Variants in KDM3B observed in about 807,000 individuals in gnomAD.
KDM3B encodes lysine demethylase 3B, also known as lysine-specific demethylase 3B.
In KDM3B, 10 loss-of-function variants were observed where a neutral mutation model predicts 170.0. That is an observed-to-expected ratio of 0.06 (90% CI 0.04 to 0.10). The LOEUF is 0.10. Among genes scored for constraint, KDM3B ranks in the 10% least tolerant of loss-of-function variants. The pLI is 1.00. For synonymous variants in KDM3B, 831 were observed against 834.8 expected, an observed-to-expected ratio of 1.00 and a Z score of 0.08; for missense variants, 1,394 against 2,195.2, an observed-to-expected ratio of 0.64 and a Z score of 7.29.
chr5:138,358,301 TCTTTC>T (rs1395595710), intron 1 of KDM3B, among the ~76,000 whole-genome samples: 18 of 112,812 alleles, frequency 1.6e-4, no homozygotes, highest in African/African-American at 5.6e-4. Flanking sequence ...TTTCTTTCTT[TCTTTC>T]TTTTTTTTTT....
At chr5:138,432,787 G>A (rs937919639) in intron 23 of KDM3B, among the ~76,000 whole-genome samples, 1 of 152,150 alleles carries the variant, frequency 6.6e-6, no homozygotes, top group Non-Finnish European at 1.5e-5. Flanking sequence ...AGATTGAAGA[G>A]GTTTTGGAGT....
At chr5:138,423,172 C>A (rs1431294080) in intron 15 of KDM3B, among the ~76,000 whole-genome samples, 2 of 152,226 alleles carry the variant, frequency 1.3e-5, no homozygotes, top group Non-Finnish European at 2.9e-5. Context: ...TCTCGAACTC[C>A]TGACCTCAGG....
intron 14 of KDM3B, among the ~76,000 whole-genome samples, chr5:138,420,426 A>T (rs1263436264): frequency 6.6e-6 from 1 of 152,200 alleles, no homozygotes; most frequent in East Asian, 1.9e-4. Context: ...CACTTGAAAC[A>T]CTGTCTTAGG....
At chr5:138,399,724 A>G (rs932200476) in intron 10 of KDM3B, 136 bp from the exon 11 acceptor site, 7 of 685,598 alleles carry the variant, frequency 1.0e-5, no homozygotes, top group African/African-American at 9.0e-5. Flanking sequence ...TTCTCCTACA[A>G]TTATAGAAAC....
chr5:138,390,756 C>G (rs532338938), intron 7 of KDM3B, among the ~76,000 whole-genome samples: 24 of 152,254 alleles, frequency 1.6e-4, no homozygotes, highest in African/African-American at 5.3e-4. Context: ...TGGATAACAA[C>G]CAAGGGAATT....
intron 9 of KDM3B, 51 bp from the exon 10 acceptor site, chr5:138,398,127 T>G (rs776101816): frequency 6.5e-6 from 9 of 1,378,112 alleles, no homozygotes; most frequent in Non-Finnish European, 9.1e-6. Context: ...TTTAGGTGTG[T>G]GTTAGTTTGC....
chr5:138,364,412 CTT>C (rs887022333), intron 1 of KDM3B, among the ~76,000 whole-genome samples: 1 of 152,020 alleles, frequency 6.6e-6, no homozygotes, highest in Non-Finnish European at 1.5e-5. Context: ...TAACTCTTCT[CTT>C]TTCGTTGGCT....
chr5:138,356,636 CTTTTTTTTTT>C (rs539401228), intron 1 of KDM3B, among the ~76,000 whole-genome samples: 1 of 86,020 alleles, frequency 1.2e-5, no homozygotes, highest in Admixed American at 1.4e-4. Flanking sequence ...TGTCTCTTGA[CTTTTTTTTTT>C]TTTTTTTTTT....
intron 4 of KDM3B, among the ~76,000 whole-genome samples, chr5:138,378,031 A>G (rs570692167): frequency 6.6e-6 from 1 of 152,274 alleles, no homozygotes; most frequent in African/African-American, 2.4e-5. Flanking sequence ...TCTCTAAAAT[A>G]GAGATCTCAT....
In KDM3B at chr5:138,434,494, G is replaced by C. The variant is rs1218258995; in HGVS notation, c.5206-1126G>C. Among the ~76,000 whole-genome samples the C allele has an allele frequency of 4.0e-5, 6 of 150,956 alleles. No homozygotes were observed. In the South Asian group the frequency reaches 1.3e-3, roughly 32 times the overall value. On this transcript the variant is annotated intron_variant, in intron 23 of 23. Coordinates refer to ENST00000314358, the MANE Select transcript of KDM3B (RefSeq NM_016604.4). ...ACCCAGGAGGCGGAGGTTGCAGTGA[G>C]CTGAGATGGCGCCACTGCACTCCAG...
intron 7 of KDM3B, 33 bp downstream of exon 7, chr5:138,386,654 T>C: frequency 6.3e-7 from 1 of 1,590,394 alleles, no homozygotes; most frequent in South Asian, 1.1e-5. Context: ...TTGCAAGATT[T>C]GGGTTTACTC....
At chr5:138,382,433 T>C (rs912526882) in intron 6 of KDM3B, among the ~76,000 whole-genome samples, 7 of 151,866 alleles carry the variant, frequency 4.6e-5, no homozygotes, top group South Asian at 2.1e-4. Context: ...GCCTGGGTGA[T>C]AGAGCAAGAC....
In KDM3B at chr5:138,417,452, T is replaced by C. The variant is rs1259499902; in HGVS notation, c.3308-31T>C. 3 of 1,608,650 alleles carry C rather than the reference T, an allele frequency of 1.9e-6. No individual in the cohort carries two copies. In the African/African-American group the frequency reaches 4.0e-5, roughly 22 times the overall value. ...TATGTGGCATATATGAGTATTCTGG[T>C]GTTATTTTTATTGTTACATTTTTTT... On this transcript the variant is annotated intron_variant, in intron 12 of 23. Transcript: ENST00000314358.
chr5:138,427,175 C>T lies in KDM3B; in HGVS notation c.4503-14C>T, dbSNP rs375716325. 1.9e-6 allele frequency: 3 copies of T among 1,608,978 alleles called. No individual in the cohort carries two copies. Among genetic ancestry groups the T allele is most frequent in the African/African-American group, 1.3e-5 (1 of 74,830 alleles). ...CCTATAACAAGCTAAGTCATCTTTC[C>T]TGCACTTTTATAGGTTTGAAGATCT... On this transcript the variant is annotated splice_polypyrimidine_tract_variant and intron_variant, in intron 18 of 23. Coordinates refer to ENST00000314358, the MANE Select transcript of KDM3B (RefSeq NM_016604.4).
rs566497175 is a variant in KDM3B, at chr5:138,367,814, A to G, written c.193-4860A>G. Among the ~76,000 whole-genome samples, 39 of 152,262 alleles carry G rather than the reference A, an allele frequency of 2.6e-4. No homozygotes were observed. The South Asian group carries it at 4.8e-3, about 19-fold the overall frequency. On this transcript the variant is annotated intron_variant, in intron 1 of 23. Coordinates refer to ENST00000314358, the MANE Select transcript of KDM3B (RefSeq NM_016604.4). ...TGGATCACGAGGTCAGGAGTTCGAG[A>G]CCAGCCTGACCAACATGGTGAAACC...
At position 138,380,794 on chromosome 5, in the gene KDM3B, A is replaced by G. The variant is rs186253656; in HGVS notation, c.706-722A>G. Among the ~76,000 whole-genome samples the G allele has an allele frequency of 1.2e-4, 18 of 151,920 alleles. No individual in the cohort carries two copies. In the East Asian group the frequency reaches 3.5e-3, roughly 29 times the overall value. On this transcript the variant is annotated intron_variant, in intron 5 of 23. Coordinates refer to ENST00000314358, the MANE Select transcript of KDM3B (RefSeq NM_016604.4). ...CACTGTGTTGCCCAGGCTGGTCTCG[A>G]ACTCCTGGTCCTCCTGCCTCAGCCT...
chr5:138,407,890 G>C (rs1158089768), intron 11 of KDM3B, among the ~76,000 whole-genome samples: 2 of 152,154 alleles, frequency 1.3e-5, no homozygotes, highest in African/African-American at 2.4e-5. Flanking sequence ...GAATGATACA[G>C]GTGTTAAGAA....
intron 5 of KDM3B, among the ~76,000 whole-genome samples, chr5:138,381,213 TTTTG>T (rs1456969910): frequency 1.3e-5 from 2 of 152,184 alleles, no homozygotes; most frequent in Middle Eastern, 3.2e-3. Context: ...TCTGAAGGTT[TTTTG>T]TTTCATACTA....
intron 12 of KDM3B, among the ~76,000 whole-genome samples, chr5:138,415,618 A>G (rs955866598): frequency 7.0e-6 from 1 of 143,282 alleles, no homozygotes; most frequent in African/African-American, 2.6e-5. Flanking sequence ...TTTAATTTAA[A>G]TTTTTTTTTT....
Sources: gnomAD v4.1 joint callset for allele counts (sites outside exome capture counted in the v4.1 genomes callset) on GRCh38, gnomAD v4.1.1 for gene constraint, MANE v1.5 for transcripts, NCBI Gene and HGNC (gene_info 2026-07-23, HGNC 2026-07-21) for gene names.